WARS1: variants seen among roughly 807,000 people sequenced by gnomAD.
WARS1 encodes the protein tryptophan--tRNA ligase, cytoplasmic.
In WARS1, 17 loss-of-function variants were observed where a neutral mutation model predicts 47.8. That is an observed-to-expected ratio of 0.36 (90% CI 0.24 to 0.53). The LOEUF (loss-of-function observed/expected upper bound fraction) is 0.53. Ranked by LOEUF, WARS1 falls within the 20% of genes least tolerant of loss-of-function variation. WARS1 has a pLI of 0.91. For missense variants in WARS1, 434 were observed against 608.0 expected (o/e 0.71, Z 3.01); for synonymous variants, 208 against 228.1 (o/e 0.91, Z 0.79).
At chr14:100,363,622 G>C (rs1395440522) in intron 2 of WARS1, among the ~76,000 whole-genome samples, 1 of 152,120 alleles carries the variant, frequency 6.6e-6, no homozygotes, top group Non-Finnish European at 1.5e-5. Flanking sequence ...GCTTGAGCCA[G>C]GGAGGCAGAG....
At chr14:100,352,703 G>A (rs1043839722) in intron 6 of WARS1, among the ~76,000 whole-genome samples, 3 of 152,150 alleles carry the variant, frequency 2.0e-5, no homozygotes, top group Non-Finnish European at 4.4e-5. Flanking sequence ...TGCCTTAGGA[G>A]AGACCACGCC....
chr14:100,347,599 CAG>C (rs1894710801), intron 6 of WARS1, among the ~76,000 whole-genome samples: 1 of 150,934 alleles, frequency 6.6e-6, no homozygotes, highest in African/African-American at 2.4e-5. Context: ...TGTTTTGAGA[CAG>C]AGTCTCACTC....
chr14:100,336,288 A>AAAG (rs911253509), intron 10 of WARS1, among the ~76,000 whole-genome samples: 5 of 150,916 alleles, frequency 3.3e-5, no homozygotes, highest in East Asian at 1.9e-4. Flanking sequence ...AAAAAAAAAA[A>AAAG]AAAGAAAGAA....
At chr14:100,346,881 G>T in intron 6 of WARS1, 35 bp from the exon 7 acceptor site, 1 of 1,587,562 alleles carries the variant, frequency 6.3e-7, no homozygotes, top group South Asian at 1.1e-5. Context: ...CCCAAACGGA[G>T]GGCGGCCTTC....
intron 2 of WARS1, among the ~76,000 whole-genome samples, chr14:100,363,321 A>G (rs966928057): frequency 6.6e-6 from 1 of 152,134 alleles, no homozygotes; most frequent in Non-Finnish European, 1.5e-5. Flanking sequence ...GCACCAAAAT[A>G]AGACAAGCAG....
At chr14:100,365,660 T>G (rs1266023106) in intron 2 of WARS1, 2 of 179,298 alleles carry the variant, frequency 1.1e-5, no homozygotes, top group African/African-American at 4.8e-5. Context: ...GAAATGCTTA[T>G]GTTCTAGTTA....
At chr14:100,360,228 T>C (rs1373991849) in intron 4 of WARS1, among the ~76,000 whole-genome samples, 1 of 152,270 alleles carries the variant, frequency 6.6e-6, no homozygotes. Flanking sequence ...AATGCTGATC[T>C]TGGACATATT....
intron 3 of WARS1, 131 bp downstream of exon 3, chr14:100,361,577 C>T (rs1332918887): frequency 3.6e-6 from 3 of 829,458 alleles, no homozygotes; most frequent in Admixed American, 5.8e-5. Flanking sequence ...TTTTAGTATC[C>T]ATTTTTTCTT....
intron 9 of WARS1, among the ~76,000 whole-genome samples, chr14:100,341,732 G>A (rs971176833): frequency 6.6e-6 from 1 of 152,240 alleles, no homozygotes; most frequent in African/African-American, 2.4e-5. Context: ...CCTGCTGCAT[G>A]CATCCCTCCT....
chr14:100,350,074 G>C (rs1894868285), intron 6 of WARS1, among the ~76,000 whole-genome samples: 1 of 152,158 alleles, frequency 6.6e-6, no homozygotes, highest in South Asian at 2.1e-4. Context: ...CATACTGTCT[G>C]GGTTTCATCT....
intron 2 of WARS1, among the ~76,000 whole-genome samples, chr14:100,367,355 C>T (rs918178087): frequency 2.0e-5 from 3 of 151,826 alleles, no homozygotes; most frequent in East Asian, 1.9e-4. Context: ...TTTCGGAGGC[C>T]GAGGTGGGCA....
intron 9 of WARS1, chr14:100,342,124 G>T: frequency 2.3e-6 from 1 of 437,870 alleles, no homozygotes; most frequent in Non-Finnish European, 4.3e-6. Flanking sequence ...CTGCAGAACA[G>T]TGCTGATAAG....
intron 6 of WARS1, among the ~76,000 whole-genome samples, chr14:100,351,478 C>T (rs1366610355): frequency 7.1e-6 from 1 of 140,864 alleles, no homozygotes; most frequent in Admixed American, 7.4e-5. Context: ...CATGGCAAAA[C>T]CCATGAGTGA....
chr14:100,336,873 C>T (rs568548487), intron 10 of WARS1, 189 bp downstream of exon 10: 20 of 662,216 alleles, frequency 3.0e-5, no homozygotes, highest in East Asian at 1.4e-4. Flanking sequence ...TCTGCTCTTT[C>T]GAGATTTGTT....
chr14:100,375,384 C>T (rs1017717649), upstream of WARS1: 3 of 152,226 alleles, frequency 2.0e-5, no homozygotes, highest in East Asian at 1.9e-4. Flanking sequence ...AATACTCTTC[C>T]CCTCTTTCTT....
chr14:100,366,590 A>T (rs960826553), intron 2 of WARS1: 2 of 693,916 alleles, frequency 2.9e-6, no homozygotes, highest in Non-Finnish European at 5.3e-6. Flanking sequence ...AGAGAGAGAG[A>T]GTTGAGTGTC....
At chr14:100,354,222 G>A in intron 5 of WARS1, 1 of 557,176 alleles carries the variant, frequency 1.8e-6, no homozygotes, top group South Asian at 2.6e-5. Flanking sequence ...GATGAGAAGA[G>A]GAGCAGGCCT....
intron 4 of WARS1, among the ~76,000 whole-genome samples, chr14:100,359,449 T>A (rs980487943): frequency 6.6e-6 from 1 of 152,204 alleles, no homozygotes; most frequent in Non-Finnish European, 1.5e-5. Context: ...CCCATTTATA[T>A]AAAATGCCTA....
At chr14:100,337,688 CAAA>C (rs35725702) in intron 9 of WARS1, among the ~76,000 whole-genome samples, 3 of 114,408 alleles carry the variant, frequency 2.6e-5, no homozygotes, top group Admixed American at 9.3e-5. Context: ...TCCTCTCTGC[CAAA>C]AAAAAAAAAA....
Sources: allele counts gnomAD v4.1 joint callset (sites outside exome capture counted in the v4.1 genomes callset), GRCh38; gene constraint gnomAD v4.1.1; transcripts MANE v1.5; gene names NCBI Gene and HGNC (gene_info 2026-07-23, HGNC 2026-07-21).